Variants in TCF12 observed in about 807,000 individuals in gnomAD.
The protein encoded by TCF12 is transcription factor 12.
Under a neutral mutation model 86.0 loss-of-function variants are expected in TCF12, and 45 were observed. The ratio of observed to expected loss-of-function variants is 0.52; its 90% CI spans 0.41 to 0.67. The LOEUF (loss-of-function observed/expected upper bound fraction) is 0.67, where lower values mean the gene tolerates loss of function less well. Ranked by LOEUF, TCF12 falls within the 30% of genes least tolerant of loss-of-function variation. The pLI is 0.00. For synonymous variants in TCF12, 330 were observed against 299.6 expected, an observed-to-expected ratio of 1.10 and a Z score of -1.05; for missense variants, 881 against 859.9, an observed-to-expected ratio of 1.02 and a Z score of -0.31.
At chr15:57,153,050 C>T (rs1022312397) in intron 5 of TCF12, among the ~76,000 whole-genome samples, 13 of 152,124 alleles carry the variant, frequency 8.5e-5, no homozygotes, top group Non-Finnish European at 1.3e-4. Flanking sequence ...TAATGTATTA[C>T]AATTTTTAAA....
chr15:57,063,462 G>A (rs1282642349), intron 3 of TCF12, among the ~76,000 whole-genome samples: 2 of 152,158 alleles, frequency 1.3e-5, no homozygotes, highest in Non-Finnish European at 2.9e-5. Flanking sequence ...AGCAGTGCAG[G>A]GCGTGGTGCT....
At chr15:56,938,699 G>C (rs753919761) in intron 3 of TCF12, among the ~76,000 whole-genome samples, 2 of 134,558 alleles carry the variant, frequency 1.5e-5, no homozygotes, top group Non-Finnish European at 3.2e-5. Context: ...GTCGCTGCTT[G>C]TTTCTTTGAT....
At chr15:56,986,699 G>A (rs1433376568) in intron 3 of TCF12, among the ~76,000 whole-genome samples, 11 of 152,074 alleles carry the variant, frequency 7.2e-5, no homozygotes, top group African/African-American at 2.7e-4. Context: ...TATATACACA[G>A]TATCTTTTAA....
intron 6 of TCF12, among the ~76,000 whole-genome samples, chr15:57,180,570 G>C (rs2056265270): frequency 6.6e-6 from 1 of 151,732 alleles, no homozygotes; most frequent in South Asian, 2.1e-4. Flanking sequence ...TAAATCTTTT[G>C]AACAGCTGCT....
At chr15:57,018,359 T>G (rs1040508914) in intron 3 of TCF12, among the ~76,000 whole-genome samples, 11 of 152,232 alleles carry the variant, frequency 7.2e-5, no homozygotes, top group African/African-American at 2.7e-4. Context: ...CTTGTTGCAA[T>G]AGCAAGCAGT....
intron 3 of TCF12, among the ~76,000 whole-genome samples, chr15:57,063,144 C>A (rs1361797036): frequency 6.6e-5 from 10 of 152,162 alleles, no homozygotes; most frequent in African/African-American, 2.4e-4. Flanking sequence ...TATTTGAAAT[C>A]AAATTGTGTA....
chr15:56,941,373 A>AATTTTTTTTTTTTTTTTTTTTT (rs2060764916), intron 3 of TCF12, among the ~76,000 whole-genome samples: 1 of 143,150 alleles, frequency 7.0e-6, no homozygotes, highest in Non-Finnish European at 1.5e-5. Flanking sequence ...TCTCAAAAAA[A>AATTTTTTTTTTTTTTTTTTTTT]TTTTTTTTTT....
intron 6 of TCF12, among the ~76,000 whole-genome samples, chr15:57,188,779 C>G (rs1407272328): frequency 1.3e-5 from 2 of 152,076 alleles, no homozygotes; most frequent in African/African-American, 4.8e-5. Context: ...ACAACATATA[C>G]AGAAATTATA....
intron 5 of TCF12, among the ~76,000 whole-genome samples, chr15:57,133,323 A>G (rs1485867571): frequency 6.6e-6 from 1 of 152,230 alleles, no homozygotes; most frequent in African/African-American, 2.4e-5. Context: ...CACTCGAAAC[A>G]ACCCTGTATT....
chr15:57,152,407 G>A (rs2053827435), intron 5 of TCF12, among the ~76,000 whole-genome samples: 1 of 152,120 alleles, frequency 6.6e-6, no homozygotes, highest in Admixed American at 6.5e-5. Flanking sequence ...CCTGTTATTG[G>A]AACTATCAGA....
In TCF12 at chr15:56,994,273, C is replaced by G. The variant is rs567157286; in HGVS notation, c.149-69477C>G. On this transcript the variant is annotated intron_variant, in intron 3 of 20. Transcript: ENST00000333725. ...AATAACAAAGTGTTAGACATTTAAACAAGAACCAAAATTTCATAACAATAT... is the reference window on the plus strand; with the variant it reads ...AATAACAAAGTGTTAGACATTTAAAGAAGAACCAAAATTTCATAACAATAT... Among the ~76,000 whole-genome samples the G allele has an allele frequency of 1.0e-3, 153 of 152,112 alleles. 1 individual carries two copies. The highest frequency in any genetic ancestry group is 2.0e-3 in the Non-Finnish European group (134 of 67,936).
At chr15:56,964,500 A>G (rs1252107039) in intron 3 of TCF12, among the ~76,000 whole-genome samples, 1 of 152,032 alleles carries the variant, frequency 6.6e-6, no homozygotes, top group Non-Finnish European at 1.5e-5. Context: ...ATTGCTCAAG[A>G]TGTATCTCCT....
chr15:57,029,319 T>C (rs958054359), intron 3 of TCF12, among the ~76,000 whole-genome samples: 2 of 152,274 alleles, frequency 1.3e-5, no homozygotes, highest in African/African-American at 4.8e-5. Flanking sequence ...ATTCTTGTAT[T>C]AATCATTATG....
chr15:56,946,509 A>G (rs531018896), intron 3 of TCF12, among the ~76,000 whole-genome samples: 2 of 152,128 alleles, frequency 1.3e-5, no homozygotes, highest in Admixed American at 6.6e-5. Context: ...GCAATTTATA[A>G]TAGTTGTTTT....
intron 3 of TCF12, among the ~76,000 whole-genome samples, chr15:56,924,742 G>A (rs1255896157): frequency 6.6e-6 from 1 of 152,136 alleles, no homozygotes; most frequent in African/African-American, 2.4e-5. Flanking sequence ...TATATTTTAG[G>A]ACAAATATGG....
intron 8 of TCF12, chr15:57,218,888 C>G (rs1000141141): frequency 6.7e-5 from 18 of 270,348 alleles, no homozygotes; most frequent in African/African-American, 3.6e-4. Flanking sequence ...ATGGTTTGTT[C>G]TAGCTAGTTA....
Position 57,253,348 on chromosome 15 carries a change from G to A in TCF12, c.1347G>A (p.Leu449=), listed in dbSNP as rs1431775223. 8 of 1,613,998 alleles carry A rather than the reference G, an allele frequency of 5.0e-6. No individual in the cohort carries two copies. In the South Asian group the frequency reaches 7.7e-5, roughly 16 times the overall value. The change falls in exon 16 of 21, where the codon TTG becomes TTA. Residue 449 remains leucine (L), a synonymous_variant. Transcript: ENST00000333725. ...RNHAVGPSTS[L]PAGHSDIHSL... ...ATGCTGTGGGACCTTCCACCAGTTT[G>A]CCTGCTGGTCACAGTGATATACATA...
chr15:57,255,623 A>T (rs12903221), intron 16 of TCF12, among the ~76,000 whole-genome samples: 59,197 of 151,726 alleles, frequency 0.39, 14,473 homozygotes, highest in Non-Finnish European at 0.54. Flanking sequence ...AGCTGGGATT[A>T]TAGGCACCCG....
intron 3 of TCF12, among the ~76,000 whole-genome samples, chr15:57,027,255 C>G (rs1461670450): frequency 6.6e-6 from 1 of 152,172 alleles, no homozygotes; most frequent in Non-Finnish European, 1.5e-5. Context: ...TGGAACGGGT[C>G]ATCAGATTTC....
Sources: gnomAD v4.1 joint callset for allele counts (sites outside exome capture counted in the v4.1 genomes callset) on GRCh38, gnomAD v4.1.1 for gene constraint, MANE v1.5 for transcripts, NCBI Gene and HGNC (gene_info 2026-07-23, HGNC 2026-07-21) for gene names.